The following ACTN2 variants were observed in gnomAD, a reference collection of about 807,000 sequenced individuals.
ACTN2 encodes the protein actinin alpha 2, also known as alpha-actinin-2.
A neutral mutation model predicts 113.8 loss-of-function variants in ACTN2; 39 were observed. The ratio of observed to expected loss-of-function variants is 0.34; its 90% CI spans 0.27 to 0.45. ACTN2 has a LOEUF of 0.45. ACTN2 is among the 20% of genes least tolerant of loss of function. The pLI, the probability that ACTN2 is intolerant of heterozygous loss-of-function variation, is 1.00. For missense variants in ACTN2, 992 were observed against 1,177.9 expected (o/e 0.84, Z 2.31); for synonymous variants, 429 against 444.1 (o/e 0.97, Z 0.43).
At chr1:236,695,351 A>C (rs1031298765) in intron 1 of ACTN2, among the ~76,000 whole-genome samples, 1 of 147,914 alleles carries the variant, frequency 6.8e-6, no homozygotes. Context: ...GCACCCCAGC[A>C]TGGGAGACAG....
rs1659754818 is a variant in ACTN2, at chr1:236,762,988, G to A, written c.*369G>A. 1 of 315,364 alleles carries A rather than the reference G, an allele frequency of 3.2e-6. No individual in the cohort carries two copies. The highest frequency in any genetic ancestry group is 6.1e-6 in the Non-Finnish European group (1 of 163,072). 19.5% of individuals were successfully genotyped at this position (315,364 alleles called of 1,614,324 possible). A position where few individuals can be genotyped will look rare whatever the true frequency, so the allele number is the denominator to read the frequency against. ...AATACCCAAGATTTAAGACCGGGGG[G>A]AAAAAACCACAAATTGGTAAATAAA... On this transcript the variant is annotated 3_prime_UTR_variant, in exon 21 of 21. Transcript: ENST00000366578.
intron 1 of ACTN2, among the ~76,000 whole-genome samples, chr1:236,709,311 T>C (rs1277794024): frequency 7.1e-6 from 1 of 141,800 alleles, no homozygotes; most frequent in African/African-American, 2.7e-5. Flanking sequence ...TATATACGTA[T>C]ATATGTATAT....
At chr1:236,711,757 G>C (rs907160743) in intron 1 of ACTN2, among the ~76,000 whole-genome samples, 1 of 152,162 alleles carries the variant, frequency 6.6e-6, no homozygotes, top group Admixed American at 6.5e-5. Context: ...TACTTTTTGG[G>C]ATGCTGAAAG....
In ACTN2 at chr1:236,751,653, G is replaced by T; in HGVS notation, c.1839+1G>T. The T allele has an allele frequency of 6.2e-7, 1 of 1,613,976 alleles. No individual in the cohort carries two copies. The highest frequency in any genetic ancestry group is 8.5e-7 in the Non-Finnish European group (1 of 1,179,862). On this transcript the variant is annotated splice_donor_variant, in intron 15 of 20. Coordinates refer to ENST00000366578, the MANE Select transcript of ACTN2 (RefSeq NM_001103.4). LOFTEE classifies it high-confidence loss of function. ...TGAGCTCCGGACCAAGTGGGACAAG[G>T]TGGGTGGCTGAGGGCCTGGTGTGGG...
Position 236,751,606 on chromosome 1 carries a change from C to G in ACTN2, c.1793C>G (p.Pro598Arg). 6.2e-7 allele frequency: 1 copy of G among 1,614,004 alleles called. No homozygotes were observed. Among genetic ancestry groups the G allele is most frequent in the Non-Finnish European group, 8.5e-7 (1 of 1,179,916 alleles). Residue 598 changes from proline to arginine, a missense_variant, in exon 15 of 21, where the codon CCG becomes CGG. Coordinates refer to ENST00000366578, the MANE Select transcript of ACTN2 (RefSeq NM_001103.4). ...SYNIRISSSN[P>R]YSTVTMDELR... ...AACATCAGAATCAGCTCAAGCAACC[C>G]GTACAGCACTGTCACCATGGATGAG...
At chr1:236,734,593 T>G in intron 7 of ACTN2, 1 of 1,121,472 alleles carries the variant, frequency 8.9e-7, no homozygotes, top group Non-Finnish European at 1.3e-6. Context: ...TGTTTTCCTC[T>G]TTTTTCCCCC....
At position 236,720,471 on chromosome 1, in the gene ACTN2, T is replaced by C. The variant is rs143571068; in HGVS notation, c.448+280T>C. Among the ~76,000 whole-genome samples, 514 of 152,316 alleles carry C rather than the reference T, an allele frequency of 3.4e-3. 1 individual carries two copies. The highest frequency in any genetic ancestry group is 0.01 in the South Asian group (50 of 4,830). The stretch of plus-strand genomic sequence containing the variant: ...TGAGCTTCTTGATTGCTTATTATAC[T>C]AGTAAATTTACAGCTATGGCAGAGT... On this transcript the variant is annotated intron_variant, in intron 4 of 20. Transcript: ENST00000366578.
chr1:236,749,799 T>TCAACAA lies in ACTN2; in HGVS notation c.1656+552_1656+557dup, dbSNP rs542797120. Among the ~76,000 whole-genome samples, 4 of 151,854 alleles carry TCAACAA rather than the reference T, an allele frequency of 2.6e-5. No individual in the cohort carries two copies. The East Asian group carries it at 5.8e-4, about 22-fold the overall frequency. On this transcript the variant is annotated intron_variant, in intron 14 of 20. Transcript: ENST00000366578. ...CTGGGTAACAGAGTGAGACCCTGTC[T>TCAACAA]CAACAACAACAACAACAACAACGAC...
intron 9 of ACTN2, among the ~76,000 whole-genome samples, chr1:236,737,680 C>T (rs968253834): frequency 3.3e-5 from 5 of 151,862 alleles, no homozygotes; most frequent in South Asian, 2.1e-4. Flanking sequence ...GGCTCGGGCT[C>T]GTGTGTCTGT....
chr1:236,720,405 C>T (rs973919577), intron 4 of ACTN2, among the ~76,000 whole-genome samples: 5 of 152,184 alleles, frequency 3.3e-5, no homozygotes, highest in Non-Finnish European at 5.9e-5. Context: ...AAGATGAGCA[C>T]ATGTTCAGAA....
chr1:236,717,743 A>G, intron 1 of ACTN2, 115 bp from the exon 2 acceptor site: 1 of 755,234 alleles, frequency 1.3e-6, no homozygotes, highest in South Asian at 1.5e-5. Flanking sequence ...TAGAAGCCCA[A>G]GCAGCCCCAG....
chr1:236,697,174 A>G (rs1008036747), intron 1 of ACTN2, among the ~76,000 whole-genome samples: 1 of 152,160 alleles, frequency 6.6e-6, no homozygotes, highest in African/African-American at 2.4e-5. Flanking sequence ...AAAAATACAT[A>G]AGTCAGCCAG....
At chr1:236,751,201 A>G (rs928081068) in intron 14 of ACTN2, among the ~76,000 whole-genome samples, 17 of 151,812 alleles carry the variant, frequency 1.1e-4, no homozygotes, top group African/African-American at 4.1e-4. Context: ...CAGTGAAAGG[A>G]AAACTGATTA....
chr1:236,687,577 C>T (rs1665921018), intron 1 of ACTN2, among the ~76,000 whole-genome samples: 1 of 152,246 alleles, frequency 6.6e-6, no homozygotes, highest in Non-Finnish European at 1.5e-5. Context: ...CAGAGACCTG[C>T]CAACCCAACC....
chr1:236,744,601 T>C (rs1659169039), intron 11 of ACTN2, 25 bp from the exon 12 acceptor site: 1 of 1,613,638 alleles, frequency 6.2e-7, no homozygotes, highest in Non-Finnish European at 8.5e-7. Context: ...AGCATATTCA[T>C]ACTTTCTTGC....
intron 19 of ACTN2, among the ~76,000 whole-genome samples, chr1:236,760,430 C>G (rs1659672763): frequency 6.6e-6 from 1 of 152,090 alleles, no homozygotes; most frequent in African/African-American, 2.4e-5. Flanking sequence ...TTAGTAGGAA[C>G]CTAATGATTT....
intron 9 of ACTN2, among the ~76,000 whole-genome samples, chr1:236,737,550 T>G (rs1264879428): frequency 1.4e-5 from 2 of 147,960 alleles, no homozygotes; most frequent in African/African-American, 4.9e-5. Flanking sequence ...GGTTACTTGT[T>G]TTTTTTTTTT....
At position 236,757,620 on chromosome 1, in the gene ACTN2, C is replaced by G. The variant is rs745579917; in HGVS notation, c.2289C>G (p.Asn763Lys). The stretch of plus-strand genomic sequence containing the variant: ...TGAATGAGTTCAGAGCCTCCTTCAA[C>G]CACTTTGACAGGGTACCACTCTCTA... ...EQMNEFRASFNHFDRRKNGLM... is the reference protein window; with the variant it reads ...EQMNEFRASFKHFDRRKNGLM... Residue 763 changes from asparagine (N) to lysine (K), a missense_variant, in exon 18 of 21, where the codon AAC becomes AAG. Physicochemically the swap from Asn to Lys is moderately conservative, Grantham distance 94 (BLOSUM62 0). Around this residue, in one of 3 missense-constraint regions of ACTN2, gnomAD observed 736 missense variants for 815.4 expected, o/e 0.90. Coordinates refer to ENST00000366578, the MANE Select transcript of ACTN2 (RefSeq NM_001103.4). 3.8e-5 allele frequency: 61 copies of G among 1,614,130 alleles called. No homozygotes were observed. Among genetic ancestry groups the G allele is most frequent in the Non-Finnish European group, 5.1e-5 (60 of 1,180,022 alleles).
chr1:236,703,763 C>T (rs1052301153), intron 1 of ACTN2, among the ~76,000 whole-genome samples: 1 of 151,614 alleles, frequency 6.6e-6, no homozygotes, highest in Non-Finnish European at 1.5e-5. Flanking sequence ...TTCAGGAATC[C>T]ACAGCTCCGA....
Sources: gnomAD v4.1 joint callset for allele counts (sites outside exome capture counted in the v4.1 genomes callset) on GRCh38, gnomAD v4.1.1 for gene constraint, gnomAD v4.1.1 regional missense constraint, MANE v1.5 for transcripts, NCBI Gene and HGNC (gene_info 2026-07-23, HGNC 2026-07-21) for gene names.